Variants in ADCK2 observed in about 807,000 individuals in gnomAD.
ADCK2 encodes aarF domain containing kinase 2.
A neutral mutation model predicts 52.3 loss-of-function variants in ADCK2; 37 were observed. The ratio of observed to expected loss-of-function variants is 0.71; its 90% CI spans 0.54 to 0.93. ADCK2 has a LOEUF of 0.93. ADCK2 is among the 40% of genes least tolerant of loss of function. The pLI, the probability that ADCK2 is intolerant of heterozygous loss-of-function variation, is 0.00. For missense variants in ADCK2, 695 were observed against 798.7 expected (o/e 0.87, Z 1.56); for synonymous variants, 321 against 349.2 (o/e 0.92, Z 0.90).
At chr7:140,687,927 T>C (rs1794635152) in intron 5 of ADCK2, among the ~76,000 whole-genome samples, 1 of 151,654 alleles carries the variant, frequency 6.6e-6, no homozygotes, top group South Asian at 2.1e-4. Context: ...TGGGTTTTGC[T>C]ATATTGCGCA....
At chr7:140,683,419 G>A (rs1224571082) in intron 4 of ADCK2, among the ~76,000 whole-genome samples, 1 of 152,186 alleles carries the variant, frequency 6.6e-6, no homozygotes, top group Non-Finnish European at 1.5e-5. Context: ...GAGTCAGAAG[G>A]TGGATTTTGA....
At chr7:140,686,565 C>T (rs968550583) in intron 4 of ADCK2, among the ~76,000 whole-genome samples, 1 of 152,124 alleles carries the variant, frequency 6.6e-6, no homozygotes, top group Non-Finnish European at 1.5e-5. Context: ...TAGGCGTGAG[C>T]CACCACACCC....
At chr7:140,684,566 G>A (rs952213525) in intron 4 of ADCK2, among the ~76,000 whole-genome samples, 1 of 152,178 alleles carries the variant, frequency 6.6e-6, no homozygotes, top group Non-Finnish European at 1.5e-5. Context: ...AAGAATCATG[G>A]TAGGGAGGAC....
At chr7:140,683,747 A>G (rs1056449747) in intron 4 of ADCK2, among the ~76,000 whole-genome samples, 2 of 152,112 alleles carry the variant, frequency 1.3e-5, no homozygotes, top group Admixed American at 6.5e-5. Flanking sequence ...CTTGGTTGTT[A>G]TAGTTGGGGG....
At chr7:140,676,220 A>G (rs1794412773) in intron 2 of ADCK2, among the ~76,000 whole-genome samples, 1 of 152,160 alleles carries the variant, frequency 6.6e-6, no homozygotes, top group African/African-American at 2.4e-5. Context: ...ACATGGTAGA[A>G]GGGGTAAGGG....
At position 140,673,836 on chromosome 7, in the gene ADCK2, A is replaced by G; in HGVS notation, c.506A>G (p.Lys169Arg). 1.2e-6 allele frequency: 2 copies of G among 1,613,602 alleles called. No individual in the cohort carries two copies. Among genetic ancestry groups the G allele is most frequent in the Non-Finnish European group, 1.7e-6 (2 of 1,179,980 alleles). ...GAGGCTTTCTGTGCCCAATTTTCCAAGCTGCATGTCCGAGTGACGCCCCAC... is the reference window on the plus strand; with the variant it reads ...GAGGCTTTCTGTGCCCAATTTTCCAGGCTGCATGTCCGAGTGACGCCCCAC... ...FSEAFCAQFS[K>R]LHVRVTPHPW... The change falls in exon 1 of 8, where the codon AAG (lysine) becomes AGG (arginine). Residue 169 changes from lysine (K) to arginine (R), a missense_variant. By Grantham distance (26) the Lys-to-Arg change is conservative. Transcript: ENST00000072869. The surrounding 1 kb of genome is among the most constrained non-coding windows in gnomAD (Gnocchi z 6.4).
At chr7:140,676,787 T>C (rs893174457) in intron 2 of ADCK2, among the ~76,000 whole-genome samples, 1 of 152,096 alleles carries the variant, frequency 6.6e-6, no homozygotes, top group Non-Finnish European at 1.5e-5. Flanking sequence ...TTTGGGAGGC[T>C]GAAGTGGGTG....
chr7:140,695,019 T>C lies in ADCK2; in HGVS notation c.*216T>C. ...TAAAAGGAGGGAAGGGGCCTATCCA[T>C]TCCATTGTGGAAGCTGGGCCAGGTG... On this transcript the variant is annotated 3_prime_UTR_variant, in exon 8 of 8. Transcript: ENST00000072869. The C allele has an allele frequency of 7.8e-7, 1 of 1,277,972 alleles. No homozygotes were observed. Among genetic ancestry groups the C allele is most frequent in the Non-Finnish European group, 9.9e-7 (1 of 1,014,158 alleles). 79.2% of individuals were successfully genotyped at this position (1,277,972 alleles called of 1,614,324 possible).
rs761298770 is a variant in ADCK2, at chr7:140,687,248, C to T, written c.1557+7C>T. The T allele has an allele frequency of 3.5e-5, 54 of 1,545,690 alleles. No homozygotes were observed. The highest frequency in any genetic ancestry group is 8.2e-5 in the South Asian group (7 of 85,414). ...GGCTGTGGTGATGGGGCAGGTGAGA[C>T]GCACTGGGACCACAGAAGTTGGGGT... On this transcript the variant is annotated splice_region_variant and intron_variant, in intron 5 of 7. Transcript: ENST00000072869.
intron 4 of ADCK2, among the ~76,000 whole-genome samples, chr7:140,684,779 A>G (rs1049276472): frequency 2.0e-5 from 3 of 151,980 alleles, no homozygotes; most frequent in African/African-American, 7.2e-5. Flanking sequence ...ATTCCACTCC[A>G]CCCCAGGGCC....
At chr7:140,679,658 CTCTCTTTTTTTTT>C in intron 3 of ADCK2, among the ~76,000 whole-genome samples, 1 of 141,238 alleles carries the variant, frequency 7.1e-6, no homozygotes, top group African/African-American at 2.6e-5. Flanking sequence ...TCAGCCTTCT[CTCTCTTTTTTTTT>C]TTTTTTTTTT....
chr7:140,691,710 C>T lies in ADCK2; in HGVS notation c.1740+897C>T, dbSNP rs909872382. Among the ~76,000 whole-genome samples the T allele has an allele frequency of 7.2e-5, 11 of 152,208 alleles. 1 individual carries two copies. The highest frequency in any genetic ancestry group is 6.5e-4 in the Admixed American group (10 of 15,272). On this transcript the variant is annotated intron_variant, in intron 7 of 7. Coordinates refer to ENST00000072869, the MANE Select transcript of ADCK2 (RefSeq NM_052853.4). ...GTTGAAGGTGGAGAAGGGAGGACCTCGTTGGAAGATGGCCTTTTCCATTGC... is the reference window on the plus strand; with the variant it reads ...GTTGAAGGTGGAGAAGGGAGGACCTTGTTGGAAGATGGCCTTTTCCATTGC...
At chr7:140,681,171 C>A in intron 4 of ADCK2, 34 bp downstream of exon 4, 1 of 1,601,908 alleles carries the variant, frequency 6.2e-7, no homozygotes, top group Non-Finnish European at 8.6e-7. Context: ...TCAGGCCCAG[C>A]ATGTGGTCAG....
rs565485960 is a variant in ADCK2, at chr7:140,674,079, TGA to T, written c.755_756del (p.Glu252AlafsTer28). On this transcript the variant is annotated frameshift_variant, in exon 1 of 8. Transcript: ENST00000072869. LOFTEE classifies it high-confidence loss of function. The surrounding 1 kb of genome is among the most constrained non-coding windows in gnomAD (Gnocchi z 4.6). ...TCACATACTGGGGCAGTCGGTGGGC[TGA>T]GAGAGCTCTTTGGATACCTTGGAAA... The T allele has an allele frequency of 5.2e-4, 843 of 1,614,118 alleles. No individual in the cohort carries two copies. The highest frequency in any genetic ancestry group is 7.4e-4 in the South Asian group (67 of 91,072).
In ADCK2 at chr7:140,674,807, C is replaced by T; in HGVS notation, c.1080+50C>T. 6.4e-7 allele frequency: 1 copy of T among 1,573,872 alleles called. No individual in the cohort carries two copies. The highest frequency in any genetic ancestry group is 8.7e-7 in the Non-Finnish European group (1 of 1,153,200). ...AAATAGCACCTAACATAGTTCTTGCCATTAGCTGCTACTTAGTAAATGTTG... is the reference window on the plus strand; with the variant it reads ...AAATAGCACCTAACATAGTTCTTGCTATTAGCTGCTACTTAGTAAATGTTG... On this transcript the variant is annotated intron_variant, in intron 2 of 7. Transcript: ENST00000072869. This position sits in a 1 kb window ranked among gnomAD's most constrained non-coding sequence, Gnocchi z 4.6.
intron 2 of ADCK2, among the ~76,000 whole-genome samples, chr7:140,677,267 G>T (rs1278812181): frequency 6.6e-6 from 1 of 152,044 alleles, no homozygotes; most frequent in East Asian, 1.9e-4. Flanking sequence ...AATTAGCCGG[G>T]CATGGTGGCA....
intron 5 of ADCK2, among the ~76,000 whole-genome samples, chr7:140,687,685 G>A (rs925646664): frequency 1.3e-5 from 2 of 151,538 alleles, no homozygotes; most frequent in Non-Finnish European, 2.9e-5. Flanking sequence ...CTTCACTCCA[G>A]CCTGGGTGAA....
intron 4 of ADCK2, among the ~76,000 whole-genome samples, chr7:140,682,016 C>G (rs929995898): frequency 1.3e-5 from 2 of 152,204 alleles, no homozygotes. Context: ...GTTTAGCAAA[C>G]AGCTGAGACA....
At chr7:140,679,432 G>A in intron 3 of ADCK2, 149 bp downstream of exon 3, 1 of 1,222,408 alleles carries the variant, frequency 8.2e-7, no homozygotes, top group Non-Finnish European at 1.1e-6. Flanking sequence ...GCCTCGGCGG[G>A]AGGCAGTGTT....
Sources: gnomAD v4.1 joint callset for allele counts (sites outside exome capture counted in the v4.1 genomes callset) on GRCh38, gnomAD v4.1.1 for gene constraint, Gnocchi (gnomAD v3.1) non-coding constraint, MANE v1.5 for transcripts, NCBI Gene and HGNC (gene_info 2026-07-23, HGNC 2026-07-21) for gene names.